Variants in ZFPM2 observed in about 807,000 individuals in gnomAD.
ZFPM2 encodes zinc finger protein ZFPM2.
ZFPM2 carries 20 observed loss-of-function variants against 98.6 expected under a neutral mutation model. The observed-to-expected ratio is 0.20, with a 90% CI of 0.14 to 0.29. The LOEUF (loss-of-function observed/expected upper bound fraction) is 0.29, where lower values mean the gene tolerates loss of function less well. Among genes scored for constraint, ZFPM2 ranks in the 10% least tolerant of loss-of-function variants. The pLI is 1.00. For synonymous variants in ZFPM2, 518 were observed against 502.7 expected, an observed-to-expected ratio of 1.03 and a Z score of -0.41; for missense variants, 1,310 against 1,388.6, an observed-to-expected ratio of 0.94 and a Z score of 0.90.
intron 5 of ZFPM2, among the ~76,000 whole-genome samples, chr8:105,716,349 A>C (rs1811523004): frequency 6.6e-6 from 1 of 151,726 alleles, no homozygotes; most frequent in Non-Finnish European, 1.5e-5. Context: ...TAGACATTGC[A>C]TATGAATGTC....
chr8:105,451,316 C>T (rs1812479933), intron 3 of ZFPM2, among the ~76,000 whole-genome samples: 2 of 152,022 alleles, frequency 1.3e-5, no homozygotes, highest in South Asian at 2.1e-4. Context: ...CTTATGGGCC[C>T]CCAAATATAT....
chr8:105,763,693 T>C (rs541926778), intron 5 of ZFPM2, among the ~76,000 whole-genome samples: 1 of 151,912 alleles, frequency 6.6e-6, no homozygotes, highest in African/African-American at 2.4e-5. Context: ...CAAGGTCACA[T>C]AGATGCTAAA....
intron 5 of ZFPM2, among the ~76,000 whole-genome samples, chr8:105,651,301 A>AT (rs1817169240): frequency 6.6e-6 from 1 of 151,962 alleles, no homozygotes; most frequent in Non-Finnish European, 1.5e-5. Flanking sequence ...TCAATTGTTT[A>AT]AAGTTTCTCC....
intron 1 of ZFPM2, among the ~76,000 whole-genome samples, chr8:105,365,106 G>A (rs1314733812): frequency 6.6e-6 from 1 of 152,148 alleles, no homozygotes; most frequent in African/African-American, 2.4e-5. Flanking sequence ...GCCCTGGCCT[G>A]TCCTGTCTCA....
chr8:105,506,461 T>G (rs953947181), intron 3 of ZFPM2, among the ~76,000 whole-genome samples: 1 of 152,192 alleles, frequency 6.6e-6, no homozygotes, highest in African/African-American at 2.4e-5. Context: ...TTTTAAAAAT[T>G]ACTTTGTATT....
chr8:105,535,759 T>C (rs1355460730), intron 3 of ZFPM2, among the ~76,000 whole-genome samples: 1 of 152,182 alleles, frequency 6.6e-6, no homozygotes, highest in Admixed American at 6.5e-5. Flanking sequence ...CTGTCTTCTT[T>C]CTGATTAGAG....
intron 3 of ZFPM2, among the ~76,000 whole-genome samples, chr8:105,531,935 CTG>C (rs1174335051): frequency 6.6e-6 from 1 of 152,082 alleles, no homozygotes; most frequent in Admixed American, 6.6e-5. Context: ...GGGTCTTGCT[CTG>C]TTGCCCAGGC....
chr8:105,647,281 C>T (rs1817066068), intron 5 of ZFPM2, among the ~76,000 whole-genome samples: 1 of 152,094 alleles, frequency 6.6e-6, no homozygotes, highest in South Asian at 2.1e-4. Flanking sequence ...TCTTTACTGT[C>T]GTTTTAGTAA....
intron 5 of ZFPM2, among the ~76,000 whole-genome samples, chr8:105,704,792 G>A (rs1811219487): frequency 6.6e-6 from 1 of 152,196 alleles, no homozygotes; most frequent in African/African-American, 2.4e-5. Flanking sequence ...CTCCACAAAA[G>A]CACTGTATCC....
intron 5 of ZFPM2, among the ~76,000 whole-genome samples, chr8:105,723,804 T>C (rs151330212): frequency 5.7e-4 from 87 of 151,976 alleles, no homozygotes; most frequent in Admixed American, 1.1e-3. Context: ...GTGCTTGCTT[T>C]TCTTTCTTAC....
At chr8:105,611,751 T>C (rs796139116) in intron 4 of ZFPM2, among the ~76,000 whole-genome samples, 31 of 151,208 alleles carry the variant, frequency 2.1e-4, no homozygotes, top group African/African-American at 6.8e-4. Context: ...CAGTCTGGAG[T>C]GCAATGGTGC....
intron 1 of ZFPM2, among the ~76,000 whole-genome samples, chr8:105,331,414 T>C (rs1183605241): frequency 6.6e-6 from 1 of 151,576 alleles, no homozygotes; most frequent in Non-Finnish European, 1.5e-5. Context: ...GTTTTCATTT[T>C]GGAGAAATAA....
chr8:105,468,279 C>T (rs1416349515), intron 3 of ZFPM2, among the ~76,000 whole-genome samples: 1 of 151,974 alleles, frequency 6.6e-6, no homozygotes, highest in Admixed American at 6.6e-5. Flanking sequence ...CTTAGAGTTC[C>T]TCCTTCTCTG....
intron 5 of ZFPM2, among the ~76,000 whole-genome samples, chr8:105,764,428 T>C (rs962217332): frequency 2.0e-5 from 3 of 151,822 alleles, no homozygotes; most frequent in Non-Finnish European, 4.4e-5. Context: ...TCTTCTATTT[T>C]CAGTAGAATG....
intron 4 of ZFPM2, among the ~76,000 whole-genome samples, chr8:105,580,823 C>CTA (rs1458179596): frequency 0.11 from 13,597 of 128,396 alleles, 673 homozygotes; most frequent in African/African-American, 0.17. Context: ...CTCTCTCTCT[C>CTA]TCTCTATATA....
chr8:105,441,204 A>T (rs983034666), intron 2 of ZFPM2, among the ~76,000 whole-genome samples: 4 of 151,592 alleles, frequency 2.6e-5, no homozygotes, highest in African/African-American at 9.7e-5. Flanking sequence ...AACCCCTTGG[A>T]CCTTACCTTG....
At chr8:105,369,634 C>G (rs1212886994) in intron 1 of ZFPM2, among the ~76,000 whole-genome samples, 5 of 152,066 alleles carry the variant, frequency 3.3e-5, no homozygotes, top group Admixed American at 3.3e-4. Flanking sequence ...ACAATCTTCT[C>G]TTTGTTCTGT....
chr8:105,376,327 G>T (rs1198056296), intron 1 of ZFPM2, among the ~76,000 whole-genome samples: 1 of 152,188 alleles, frequency 6.6e-6, no homozygotes, highest in Non-Finnish European at 1.5e-5. Context: ...AGACATTGAA[G>T]TTCTTCAAGA....
chr8:105,524,988 G>A (rs1471138173), intron 3 of ZFPM2, among the ~76,000 whole-genome samples: 4 of 152,034 alleles, frequency 2.6e-5, no homozygotes, highest in Admixed American at 6.6e-5. Context: ...TTCATCTCTC[G>A]CTTATCAAAA....
Sources: allele counts gnomAD v4.1 joint callset (sites outside exome capture counted in the v4.1 genomes callset), GRCh38; gene constraint gnomAD v4.1.1; transcripts MANE v1.5; gene names NCBI Gene and HGNC (gene_info 2026-07-23, HGNC 2026-07-21).